The following IGFBP5 variants were observed in gnomAD, a reference collection of about 807,000 sequenced individuals.
The protein encoded by IGFBP5 is insulin like growth factor binding protein 5, also known as insulin-like growth factor-binding protein 5.
Under a neutral mutation model 28.0 loss-of-function variants are expected in IGFBP5, and 12 were observed. The observed-to-expected ratio is 0.43, with a 90% CI of 0.27 to 0.69. The LOEUF (loss-of-function observed/expected upper bound fraction) is 0.69, where lower values mean the gene tolerates loss of function less well. Among genes scored for constraint, IGFBP5 ranks in the 30% least tolerant of loss-of-function variants. The probability of loss-of-function intolerance (pLI) is 0.20; values close to 1 mark genes in which losing one functional copy is unlikely to be tolerated. For synonymous variants in IGFBP5, 152 were observed against 150.2 expected, an observed-to-expected ratio of 1.01 and a Z score of -0.09; for missense variants, 344 against 381.6, an observed-to-expected ratio of 0.90 and a Z score of 0.82.
chr2:216,694,623 C>G lies in IGFBP5; in HGVS notation c.153G>C (p.Pro51=). The G allele has an allele frequency of 6.5e-7, 1 of 1,538,670 alleles. No homozygotes were observed. The highest frequency in any genetic ancestry group is 8.7e-7 in the Non-Finnish European group (1 of 1,144,254). ...CGCAGGTCATGCAGCAGCCGCAGCC[C>G]GGCTCCTTGACCAGCTCGCAGCCCA... ...SPLGCELVKE[P]GCGCCMTCAL... is the part of the protein sequence containing the mutation. Residue 51 remains proline, a synonymous_variant, in exon 1 of 4, where the codon CCG becomes CCC. Coordinates refer to ENST00000233813, the MANE Select transcript of IGFBP5 (RefSeq NM_000599.4). The surrounding 1 kb of genome is among the most constrained non-coding windows in gnomAD (Gnocchi z 5.2).
intron 3 of IGFBP5, among the ~76,000 whole-genome samples, chr2:216,677,873 A>G (rs920900613): frequency 6.6e-6 from 1 of 152,248 alleles, no homozygotes; most frequent in African/African-American, 2.4e-5. Context: ...GAATTCATGT[A>G]GCTAAGGCGA....
intron 1 of IGFBP5, among the ~76,000 whole-genome samples, chr2:216,693,212 G>A (rs539141670): frequency 6.6e-6 from 1 of 151,914 alleles, no homozygotes; most frequent in South Asian, 2.1e-4. Flanking sequence ...CAGTCTAAGG[G>A]GGTAGAACTG....
chr2:216,688,916 C>T (rs1163567892), intron 1 of IGFBP5, among the ~76,000 whole-genome samples: 3 of 152,230 alleles, frequency 2.0e-5, no homozygotes, highest in Admixed American at 6.5e-5. Flanking sequence ...TCCTGCAGCA[C>T]AACCAGAAGT....
intron 1 of IGFBP5, among the ~76,000 whole-genome samples, chr2:216,684,089 AGCT>A (rs1689009305): frequency 6.6e-6 from 1 of 152,258 alleles, no homozygotes; most frequent in Non-Finnish European, 1.5e-5. Flanking sequence ...ATGCAAGCCC[AGCT>A]GCTACAGACC....
At chr2:216,681,481 C>T (rs1367744764) in intron 1 of IGFBP5, among the ~76,000 whole-genome samples, 13 of 152,168 alleles carry the variant, frequency 8.5e-5, no homozygotes, top group Admixed American at 8.5e-4. Context: ...CCTGGAGAGC[C>T]AACACATTGT....
At chr2:216,681,226 G>A (rs950689027) in intron 1 of IGFBP5, among the ~76,000 whole-genome samples, 8 of 152,300 alleles carry the variant, frequency 5.3e-5, no homozygotes, top group East Asian at 3.9e-4. Flanking sequence ...GACTGGAGCC[G>A]TGCCACTCAA....
At chr2:216,686,625 A>T (rs741385) in intron 1 of IGFBP5, among the ~76,000 whole-genome samples, 47,159 of 149,990 alleles carry the variant, frequency 0.31, 7,781 homozygotes, top group East Asian at 0.62. Context: ...TCTAAAAATA[A>T]ATAAATAAAC....
In IGFBP5 at chr2:216,673,524, T is replaced by G. The variant is rs1688861002; in HGVS notation, c.*3227A>C. The G allele has an allele frequency of 6.6e-6, 1 of 152,360 alleles. No individual in the cohort carries two copies. The highest frequency in any genetic ancestry group is 1.5e-5 in the Non-Finnish European group (1 of 68,162). 9.4% of individuals were successfully genotyped at this position (152,360 alleles called of 1,614,324 possible). On this transcript the variant is annotated 3_prime_UTR_variant, in exon 4 of 4. Coordinates refer to ENST00000233813, the MANE Select transcript of IGFBP5 (RefSeq NM_000599.4). This position sits in a 1 kb window ranked among gnomAD's most constrained non-coding sequence, Gnocchi z 4.3. ...AGTCGTGGGAAAGACAGAGGCATCT[T>G]CCTCACTGGTGGAGTGAGGCACGAA... is the stretch of plus-strand genomic sequence containing the variant.
intron 1 of IGFBP5, among the ~76,000 whole-genome samples, chr2:216,687,384 TG>T (rs1315542831): frequency 6.6e-6 from 1 of 152,012 alleles, no homozygotes; most frequent in Non-Finnish European, 1.5e-5. Flanking sequence ...ATGCCACAGG[TG>T]GGAAGGTGAC....
chr2:216,691,836 CGTGTGTGTGT>C (rs56040272), intron 1 of IGFBP5, among the ~76,000 whole-genome samples: 4,784 of 121,204 alleles, frequency 0.039, 146 homozygotes, highest in South Asian at 0.15. Context: ...TATAATATGT[CGTGTGTGTGT>C]GTGTGTGTGT....
intron 1 of IGFBP5, among the ~76,000 whole-genome samples, chr2:216,680,039 G>T (rs926747488): frequency 6.6e-6 from 1 of 152,028 alleles, no homozygotes; most frequent in Non-Finnish European, 1.5e-5. Context: ...GATCTCATAG[G>T]CATCCATCCC....
At chr2:216,680,841 C>G (rs1688970333) in intron 1 of IGFBP5, among the ~76,000 whole-genome samples, 1 of 152,102 alleles carries the variant, frequency 6.6e-6, no homozygotes, top group African/African-American at 2.4e-5. Context: ...TCCTGGTACC[C>G]CTTCTGGACT....
At chr2:216,687,827 G>C (rs1689049059) in intron 1 of IGFBP5, among the ~76,000 whole-genome samples, 1 of 152,198 alleles carries the variant, frequency 6.6e-6, no homozygotes. Context: ...TCCCCCCAAA[G>C]TTCTGCATGA....
At position 216,678,984 on chromosome 2, in the gene IGFBP5, A is replaced by C; in HGVS notation, c.433T>G (p.Ser145Ala). 1 of 1,613,844 alleles carries C rather than the reference A, an allele frequency of 6.2e-7. No homozygotes were observed. Among genetic ancestry groups the C allele is most frequent in the Non-Finnish European group, 8.5e-7 (1 of 1,179,978 alleles). Residue 145 changes from serine (S) to alanine (A), a missense_variant, in exon 2 of 4, where the codon TCC becomes GCC. This residue lies in a region of IGFBP5 where 304 missense variants were observed against 329.2 expected (regional missense o/e 0.92). Coordinates refer to ENST00000233813, the MANE Select transcript of IGFBP5 (RefSeq NM_000599.4). ...KIFRPKHTRI[S>A]ELKAEAVKKD... ...TTCACTGCTTCAGCCTTCAGCTCGG[A>C]GATGCGGGTGTGTTTGGGCCGGAAG...
At chr2:216,687,752 C>G (rs1457902344) in intron 1 of IGFBP5, among the ~76,000 whole-genome samples, 1 of 152,110 alleles carries the variant, frequency 6.6e-6, no homozygotes, top group Non-Finnish European at 1.5e-5. Context: ...GGCAGCTTTT[C>G]TCCTGGCCAC....
Position 216,679,068 on chromosome 2 carries a change from G to A in IGFBP5, c.349C>T (p.Arg117Cys), listed in dbSNP as rs770802017. ...GAGGTGGTGGGCTCCTCGTGCTCAC[G>A]GGAGTCTCTCTCTGCAGGAGAAGGA... Reference protein sequence around the residue: ...REQVKIERDSREHEEPTTSEM... With the variant: ...REQVKIERDSCEHEEPTTSEM... The change falls in exon 2 of 4, where the codon CGT becomes TGT. Residue 117 changes from arginine to cysteine, a missense_variant. Coordinates refer to ENST00000233813, the MANE Select transcript of IGFBP5 (RefSeq NM_000599.4). The surrounding 1 kb of genome is among the most constrained non-coding windows in gnomAD (Gnocchi z 4.6). 3.1e-6 allele frequency: 5 copies of A among 1,613,986 alleles called. No homozygotes were observed. The South Asian group carries it at 4.4e-5, about 14-fold the overall frequency.
rs1456759809 is a variant in IGFBP5, at chr2:216,674,064, T to C, written c.*2687A>G. ...AAGCCTGCTCAAAGTCCAGACACAG[T>C]CCGTGAAGAGAGAGCCCCTCTCAAG... is the stretch of plus-strand genomic sequence containing the variant. On this transcript the variant is annotated 3_prime_UTR_variant, in exon 4 of 4. Transcript: ENST00000233813. The surrounding 1 kb of genome is among the most constrained non-coding windows in gnomAD (Gnocchi z 4.4). The C allele has an allele frequency of 1.3e-5, 2 of 152,712 alleles. No individual in the cohort carries two copies. The highest frequency in any genetic ancestry group is 2.9e-5 in the Non-Finnish European group (2 of 68,106). The allele number at this position is 152,712 out of a possible 1,614,324, so 9.5% of individuals were successfully genotyped here. A position where few individuals can be genotyped will look rare whatever the true frequency, so the allele number is the denominator to read the frequency against.
rs576348244 is a variant in IGFBP5 at position 216,679,367 on chromosome 2, C to T, written c.338-288G>A. On this transcript the variant is annotated intron_variant, in intron 1 of 3. Coordinates refer to ENST00000233813, the MANE Select transcript of IGFBP5 (RefSeq NM_000599.4). The surrounding 1 kb of genome is among the most constrained non-coding windows in gnomAD (Gnocchi z 4.6). ...AGACTGACAGACTGATGGGTGAGGACGGAGCAGGCCTTCTGGGGGCAGTAA... is the reference window on the plus strand; with the variant it reads ...AGACTGACAGACTGATGGGTGAGGATGGAGCAGGCCTTCTGGGGGCAGTAA... 5.3e-5 allele frequency among the ~76,000 whole-genome samples: 8 copies of T among 151,916 alleles called. No individual in the cohort carries two copies. The highest frequency in any genetic ancestry group is 1.3e-4 in the Admixed American group (2 of 15,250).
At chr2:216,677,431 T>C (rs1377306462) in intron 3 of IGFBP5, among the ~76,000 whole-genome samples, 2 of 152,150 alleles carry the variant, frequency 1.3e-5, no homozygotes, top group Admixed American at 1.3e-4. Context: ...TCTAAGTGCT[T>C]TACAAAGACC....
Sources: gnomAD v4.1 joint callset for allele counts (sites outside exome capture counted in the v4.1 genomes callset) on GRCh38, gnomAD v4.1.1 for gene constraint, gnomAD v4.1.1 regional missense constraint, Gnocchi (gnomAD v3.1) non-coding constraint, MANE v1.5 for transcripts, NCBI Gene and HGNC (gene_info 2026-07-23, HGNC 2026-07-21) for gene names.